The following MACROD2 variants were observed in gnomAD, a reference collection of about 807,000 sequenced individuals.
The protein encoded by MACROD2 is mono-ADP ribosylhydrolase 2, also known as ADP-ribose glycohydrolase MACROD2.
A neutral mutation model predicts 70.4 loss-of-function variants in MACROD2; 36 were observed. The observed-to-expected ratio is 0.51, with a 90% CI of 0.39 to 0.68. The LOEUF is 0.68. Ranked by LOEUF, MACROD2 falls within the 30% of genes least tolerant of loss-of-function variation. MACROD2 has a pLI of 0.00. For synonymous variants in MACROD2, 172 were observed against 178.8 expected (o/e 0.96, Z 0.30); for missense variants, 496 against 538.4 (o/e 0.92, Z 0.78).
intron 3 of MACROD2, among the ~76,000 whole-genome samples, chr20:14,397,539 C>A (rs1228469347): frequency 1.3e-5 from 2 of 152,124 alleles, no homozygotes; most frequent in Non-Finnish European, 1.5e-5. Flanking sequence ...ATTATCTTTA[C>A]ATAAATTGTA....
chr20:14,445,079 T>C (rs1278106128), intron 3 of MACROD2, among the ~76,000 whole-genome samples: 1 of 152,014 alleles, frequency 6.6e-6, no homozygotes, highest in Non-Finnish European at 1.5e-5. Flanking sequence ...ATTATGTCAT[T>C]TTTCTGCTCA....
intron 3 of MACROD2, among the ~76,000 whole-genome samples, chr20:14,135,695 T>C (rs2054786439): frequency 6.6e-6 from 1 of 152,076 alleles, no homozygotes; most frequent in Non-Finnish European, 1.5e-5. Context: ...AAAAACCATA[T>C]ATTCCTTTCA....
intron 4 of MACROD2, among the ~76,000 whole-genome samples, chr20:14,548,782 A>C (rs561196740): frequency 1.3e-5 from 2 of 151,932 alleles, no homozygotes; most frequent in South Asian, 2.1e-4. Flanking sequence ...AATGCTGGCA[A>C]TTCACTGGGA....
chr20:14,253,233 A>G (rs765599354), intron 3 of MACROD2, among the ~76,000 whole-genome samples: 1 of 152,042 alleles, frequency 6.6e-6, no homozygotes, highest in Non-Finnish European at 1.5e-5. Flanking sequence ...GCTTTGATAA[A>G]TACCTTTTAC....
intron 5 of MACROD2, among the ~76,000 whole-genome samples, chr20:14,936,095 A>G (rs1034490495): frequency 5.3e-5 from 8 of 152,190 alleles, no homozygotes; most frequent in Admixed American, 1.3e-4. Context: ...TTCAAAAAGT[A>G]AATAAAACAT....
chr20:15,705,313 A>G (rs1003953706), intron 8 of MACROD2, among the ~76,000 whole-genome samples: 2 of 152,182 alleles, frequency 1.3e-5, no homozygotes, highest in Admixed American at 1.3e-4. Flanking sequence ...TATTTTTTAA[A>G]GCCCCATGGG....
intron 4 of MACROD2, among the ~76,000 whole-genome samples, chr20:14,642,501 C>G (rs1985151320): frequency 1.3e-5 from 2 of 152,134 alleles, no homozygotes; most frequent in South Asian, 4.1e-4. Flanking sequence ...GCCTTTCTCA[C>G]TAGGCTTAAT....
intron 3 of MACROD2, among the ~76,000 whole-genome samples, chr20:14,415,796 T>C (rs1323117136): frequency 6.6e-6 from 1 of 152,172 alleles, no homozygotes; most frequent in Non-Finnish European, 1.5e-5. Context: ...GGTCTATCCT[T>C]TCCTGGTAGT....
intron 5 of MACROD2, among the ~76,000 whole-genome samples, chr20:14,913,890 G>A (rs536104938): frequency 6.9e-6 from 1 of 145,914 alleles, no homozygotes; most frequent in East Asian, 2.0e-4. Flanking sequence ...CATCTTGGGG[G>A]AAGAATTAAC....
chr20:15,775,258 T>A (rs900319541), intron 8 of MACROD2, among the ~76,000 whole-genome samples: 2 of 152,134 alleles, frequency 1.3e-5, no homozygotes, highest in Admixed American at 1.3e-4. Flanking sequence ...ACAAGCATGA[T>A]CTGAGGGTGG....
At chr20:15,483,980 A>G (rs748240759) in intron 7 of MACROD2, among the ~76,000 whole-genome samples, 69 of 151,958 alleles carry the variant, frequency 4.5e-4, no homozygotes, top group Non-Finnish European at 1.5e-4. Context: ...GATTTCCTAC[A>G]TAGACAATCA....
chr20:14,177,255 G>A (rs1035520455), intron 3 of MACROD2, among the ~76,000 whole-genome samples: 1 of 150,958 alleles, frequency 6.6e-6, no homozygotes, highest in Non-Finnish European at 1.5e-5. Context: ...ACAAGTGATG[G>A]CTAGCCCTAT....
Position 14,236,443 on chromosome 20 carries a change from C to T in MACROD2, c.271+150715C>T, listed in dbSNP as rs57694317. On this transcript the variant is annotated intron_variant, in intron 3 of 17. Transcript: ENST00000684519. ...CAAATAAAAATACTTTTATACTCTTCGCTTAATACCTTGTAGTAGTCTTGC... is the reference window on the plus strand; with the variant it reads ...CAAATAAAAATACTTTTATACTCTTTGCTTAATACCTTGTAGTAGTCTTGC... Among the ~76,000 whole-genome samples the T allele has an allele frequency of 5.4e-3, 821 of 151,900 alleles. 9 individuals are homozygous for T. Among genetic ancestry groups the T allele is most frequent in the African/African-American group, 0.018 (734 of 41,448 alleles).
intron 3 of MACROD2, among the ~76,000 whole-genome samples, chr20:14,399,354 C>T (rs1448908021): frequency 1.3e-5 from 2 of 152,210 alleles, no homozygotes; most frequent in Non-Finnish European, 1.5e-5. Context: ...TAAATATTAA[C>T]GTCTATGTTG....
chr20:15,442,137 A>G (rs1471432226), intron 7 of MACROD2, among the ~76,000 whole-genome samples: 1 of 152,156 alleles, frequency 6.6e-6, no homozygotes, highest in Non-Finnish European at 1.5e-5. Context: ...GTAAATAAAC[A>G]TAGCCCTCTT....
chr20:14,981,021 A>AGTGTGTGTGTGTGTGTGT (rs11468972), intron 5 of MACROD2, among the ~76,000 whole-genome samples: 19 of 143,748 alleles, frequency 1.3e-4, no homozygotes, highest in African/African-American at 4.6e-4. Context: ...TACAAAAAGA[A>AGTGTGTGTGTGTGTGTGT]GTGTGTGTGT....
chr20:14,507,473 T>A (rs1345724430), intron 4 of MACROD2, among the ~76,000 whole-genome samples: 2 of 152,190 alleles, frequency 1.3e-5, no homozygotes, highest in Non-Finnish European at 2.9e-5. Flanking sequence ...ATTGTGTGAA[T>A]GTCTTTAATG....
At chr20:15,586,499 A>G (rs544058464) in intron 8 of MACROD2, among the ~76,000 whole-genome samples, 64 of 152,246 alleles carry the variant, frequency 4.2e-4, no homozygotes, top group Non-Finnish European at 8.4e-4. Flanking sequence ...GTCAGAGCAT[A>G]TAAAACAATA....
rs571721501 is a variant in MACROD2 at position 15,861,189 on chromosome 20, G to A, written c.646-1556G>A. 2.5e-3 allele frequency among the ~76,000 whole-genome samples: 376 copies of A among 152,212 alleles called. 2 individuals are homozygous for A. Among genetic ancestry groups the A allele is most frequent in the South Asian group, 3.9e-3 (19 of 4,818 alleles). ...GATCCCTACACTCTTGTATCTTTAC[G>A]TTTTGAAAGTGTGCAGAAATGGTAT... is the stretch of plus-strand genomic sequence containing the variant. On this transcript the variant is annotated intron_variant, in intron 8 of 17. Transcript: ENST00000684519.
Sources: allele counts gnomAD v4.1 joint callset (sites outside exome capture counted in the v4.1 genomes callset), GRCh38; gene constraint gnomAD v4.1.1; transcripts MANE v1.5; gene names NCBI Gene and HGNC (gene_info 2026-07-23, HGNC 2026-07-21).